Variants in RGP1 observed in about 807,000 individuals in gnomAD.
RGP1 encodes the protein RGP1 partner of RAB6A GEF complex, also known as RAB6A-GEF complex partner protein 2.
Under a neutral mutation model 44.5 loss-of-function variants are expected in RGP1, and 28 were observed. The observed-to-expected ratio is 0.63, with a 90% CI of 0.47 to 0.86. The LOEUF is 0.86. Among genes scored for constraint, RGP1 ranks in the 40% least tolerant of loss-of-function variants. The probability of loss-of-function intolerance (pLI) is 0.00; values close to 1 mark genes in which losing one functional copy is unlikely to be tolerated. For synonymous variants in RGP1, 212 were observed against 196.7 expected, an observed-to-expected ratio of 1.08 and a Z score of -0.65; for missense variants, 417 against 490.7, an observed-to-expected ratio of 0.85 and a Z score of 1.42.
the RGP1 span, among the ~76,000 whole-genome samples, chr9:35,781,296 G>C: frequency 6.6e-6 from 1 of 151,442 alleles, no homozygotes; most frequent in African/African-American, 2.4e-5. Context: ...CTGGTGGACT[G>C]AGATTCTTGT....
At position 35,750,348 on chromosome 9, in the gene RGP1, C is replaced by G. The variant is rs755215331; in HGVS notation, c.222C>G (p.Pro74=). 5.0e-6 allele frequency: 8 copies of G among 1,613,934 alleles called. No individual in the cohort carries two copies. Among genetic ancestry groups the G allele is most frequent in the Non-Finnish European group, 4.2e-6 (5 of 1,179,874 alleles). The change falls in exon 3 of 9, where the codon CCC becomes CCG. Residue 74 remains proline (P), a synonymous_variant. Transcript: ENST00000378078. ...ACTCTAGTCAGCCAGATGTCCAGCC[C>G]GACAGCCAGACTGTCTTTCTGCCAC... The part of the protein sequence containing the change: ...PPDSSQPDVQ[P]DSQTVFLPHR...
chr9:35,778,748 G>T, the RGP1 span, among the ~76,000 whole-genome samples: 36 of 152,166 alleles, frequency 2.4e-4, no homozygotes, highest in African/African-American at 7.7e-4. Flanking sequence ...TTAAGCCCAA[G>T]GCTTGTTAAT....
chr9:35,773,124 C>T, the RGP1 span, among the ~76,000 whole-genome samples: 1 of 152,136 alleles, frequency 6.6e-6, no homozygotes, highest in African/African-American at 2.4e-5. Flanking sequence ...CATGGTGGCT[C>T]ACACCTGTTA....
Position 35,752,914 on chromosome 9 carries a change from G to T in RGP1, c.*40G>T. 7 of 1,596,536 alleles carry T rather than the reference G, an allele frequency of 4.4e-6. No individual in the cohort carries two copies. Among genetic ancestry groups the T allele is most frequent in the Non-Finnish European group, 6.0e-6 (7 of 1,168,704 alleles). ...GGTGCTAGTTCCTTCCGGATACTGAGAACTCAGCACCTGGACTCTAATGGG... is the reference window on the plus strand; with the variant it reads ...GGTGCTAGTTCCTTCCGGATACTGATAACTCAGCACCTGGACTCTAATGGG... On this transcript the variant is annotated 3_prime_UTR_variant, in exon 9 of 9. Transcript: ENST00000378078.
At chr9:35,759,378 A>G (rs898319159), downstream of RGP1, among the ~76,000 whole-genome samples, 16 of 151,990 alleles carry the variant, frequency 1.1e-4, no homozygotes, top group African/African-American at 3.9e-4. Context: ...CAGCCTGGCC[A>G]ACATGGTGAA....
At chr9:35,781,257 G>C in the RGP1 span, among the ~76,000 whole-genome samples, 1 of 151,886 alleles carries the variant, frequency 6.6e-6, no homozygotes, top group African/African-American at 2.4e-5. Flanking sequence ...TGCAGAGGAG[G>C]CTGGAGAGGA....
chr9:35,752,960 G>T lies in RGP1; in HGVS notation c.*86G>T. On this transcript the variant is annotated 3_prime_UTR_variant, in exon 9 of 9. Coordinates refer to ENST00000378078, the MANE Select transcript of RGP1 (RefSeq NM_001080496.3). ...ATGGGACCCACTTTTTCCACCTGGG[G>T]TCCAATGTCGTGGACAGTGAGAGTC... 6.5e-7 allele frequency: 1 copy of T among 1,531,220 alleles called. No homozygotes were observed. Among genetic ancestry groups the T allele is most frequent in the East Asian group, 2.3e-5 (1 of 43,054 alleles). The allele number at this position is 1,531,220 out of a possible 1,614,324, so 94.9% of individuals were successfully genotyped here.
At chr9:35,787,118 T>G in the RGP1 span, among the ~76,000 whole-genome samples, 3 of 151,216 alleles carry the variant, frequency 2.0e-5, no homozygotes, top group African/African-American at 7.3e-5. Context: ...ATTTTTTTTT[T>G]TAAATAATAA....
chr9:35,749,689 C>T lies in RGP1; in HGVS notation c.-19-48C>T, dbSNP rs1260156157. On this transcript the variant is annotated intron_variant, in intron 1 of 8. Transcript: ENST00000378078. The surrounding 1 kb of genome is among the most constrained non-coding windows in gnomAD (Gnocchi z 4.4). ...CAGCCCTAGGTGCTCACCGCAACGC[C>T]CCTCCCTGTCAAGGTGCTGACCTCC... 1 of 1,151,610 alleles carries T rather than the reference C, an allele frequency of 8.7e-7. No individual in the cohort carries two copies. The highest frequency in any genetic ancestry group is 2.5e-5 in the East Asian group (1 of 40,762). 71.3% of individuals were successfully genotyped at this position (1,151,610 alleles called of 1,614,324 possible).
the RGP1 span, among the ~76,000 whole-genome samples, chr9:35,787,304 A>G: frequency 1.3e-5 from 2 of 151,770 alleles, no homozygotes; most frequent in African/African-American, 4.8e-5. Flanking sequence ...GTCTCGGCTC[A>G]CTGCAACCTC....
At chr9:35,789,753 G>A in the RGP1 span, among the ~76,000 whole-genome samples, 1 of 152,168 alleles carries the variant, frequency 6.6e-6, no homozygotes, top group Admixed American at 6.5e-5. Context: ...TATATTGTAA[G>A]CACAGCTTTC....
the RGP1 span, among the ~76,000 whole-genome samples, chr9:35,771,208 C>T: frequency 6.6e-6 from 1 of 152,090 alleles, no homozygotes. Context: ...AGTAACCCCT[C>T]TGCTTGGCTG....
chr9:35,769,226 T>C, the RGP1 span, among the ~76,000 whole-genome samples: 1 of 152,350 alleles, frequency 6.6e-6, no homozygotes, highest in Non-Finnish European at 1.5e-5. Context: ...GAAAGAACCA[T>C]GTGGTTGAAA....
chr9:35,784,167 A>G, the RGP1 span, among the ~76,000 whole-genome samples: 1 of 152,082 alleles, frequency 6.6e-6, no homozygotes. Flanking sequence ...TGAGTTCCTT[A>G]TATAGTCTAG....
At chr9:35,772,211 C>T in the RGP1 span, 1 of 152,088 alleles carries the variant, frequency 6.6e-6, no homozygotes, top group Non-Finnish European at 1.5e-5. Flanking sequence ...GATTAACTCA[C>T]CAAGGAAATG....
chr9:35,752,051 C>T lies in RGP1; in HGVS notation c.858C>T (p.His286=), dbSNP rs62620193. 4.3e-5 allele frequency: 70 copies of T among 1,611,238 alleles called. No individual in the cohort carries two copies. Among genetic ancestry groups the T allele is most frequent in the African/African-American group, 3.1e-4 (23 of 74,932 alleles). The change falls in exon 8 of 9, where the codon CAC becomes CAT. Residue 286 remains histidine, a synonymous_variant. Transcript: ENST00000378078. ...TCCCCTCTGTGTCACATGTGACTCA[C>T]GCCCGGCACCAGGAATCCTGCCTAC... ...GGVPSVSHVT[H]ARHQESCLHT...
rs1429096389 is a variant in RGP1, at chr9:35,757,150, TGA to T, written c.*4280_*4281del. The T allele has an allele frequency of 6.6e-6, 1 of 151,472 alleles. No individual in the cohort carries two copies. Among genetic ancestry groups the T allele is most frequent in the Non-Finnish European group, 1.5e-5 (1 of 67,890 alleles). The allele number at this position is 151,472 out of a possible 1,614,324, so 9.4% of individuals were successfully genotyped here. A position where few individuals can be genotyped will look rare whatever the true frequency, so the allele number is the denominator to read the frequency against. On this transcript the variant is annotated 3_prime_UTR_variant, in exon 9 of 9. Transcript: ENST00000378078. ...TCGGGGCAGGTGCGCGGAGAGGAAG[TGA>T]GAGCATTCCGGCCCCCCCACCCCAA...
At chr9:35,784,710 C>T in the RGP1 span, among the ~76,000 whole-genome samples, 1 of 152,150 alleles carries the variant, frequency 6.6e-6, no homozygotes, top group South Asian at 2.1e-4. Context: ...TCTCGTGATC[C>T]ACCCGCCTCG....
At chr9:35,772,609 C>T in the RGP1 span, among the ~76,000 whole-genome samples, 2 of 151,882 alleles carry the variant, frequency 1.3e-5, no homozygotes, top group South Asian at 2.1e-4. Flanking sequence ...CTGGCTAACA[C>T]GGTGAAACCC....
Sources: allele counts gnomAD v4.1 joint callset (sites outside exome capture counted in the v4.1 genomes callset), GRCh38; gene constraint gnomAD v4.1.1; non-coding constraint Gnocchi (gnomAD v3.1); transcripts MANE v1.5; gene names NCBI Gene and HGNC (gene_info 2026-07-23, HGNC 2026-07-21).